Variants in RASL12 observed in about 807,000 individuals in gnomAD.
RASL12 encodes the protein RAS like family 12, also known as ras-like protein family member 12.
RASL12 carries 16 observed loss-of-function variants against 22.9 expected under a neutral mutation model. The ratio of observed to expected loss-of-function variants is 0.70; its 90% confidence interval spans 0.47 to 1.06. The LOEUF (loss-of-function observed/expected upper bound fraction) is 1.06. RASL12 is among the 50% of genes least tolerant of loss of function. The probability of loss-of-function intolerance (pLI) is 0.00; values close to 1 mark genes in which losing one functional copy is unlikely to be tolerated. For synonymous variants in RASL12, 159 were observed against 152.2 expected (o/e 1.04, Z -0.33); for missense variants, 306 against 353.1 (o/e 0.87, Z 1.07).
chr15:65,050,019 G>A (rs2086628194), downstream of RASL12: 2 of 1,551,338 alleles, frequency 1.3e-6, no homozygotes, highest in Admixed American at 2.0e-5. Flanking sequence ...AGCACAGTGA[G>A]GGGGCTCCCG....
At chr15:65,069,322 C>G (rs1330877317), upstream of RASL12, among the ~76,000 whole-genome samples, 2 of 152,246 alleles carry the variant, frequency 1.3e-5, no homozygotes, top group Non-Finnish European at 2.9e-5. Flanking sequence ...ATTAGTCACA[C>G]AGCTAATGGC....
chr15:65,063,017 C>T (rs780864875), intron 2 of RASL12, among the ~76,000 whole-genome samples: 4 of 152,156 alleles, frequency 2.6e-5, no homozygotes, highest in Admixed American at 6.5e-5. Flanking sequence ...GCCCACTTCC[C>T]AGACAGTCTG....
chr15:65,062,712 A>C (rs2086824827), intron 2 of RASL12, among the ~76,000 whole-genome samples: 1 of 152,206 alleles, frequency 6.6e-6, no homozygotes, highest in African/African-American at 2.4e-5. Context: ...GGCTCTCAGA[A>C]GACCTAGGAA....
intron 4 of RASL12, among the ~76,000 whole-genome samples, chr15:65,057,143 C>G (rs2140517354): frequency 6.6e-6 from 1 of 152,282 alleles, no homozygotes; most frequent in East Asian, 1.9e-4. Context: ...CACCATAGTC[C>G]CCTTTCACGG....
chr15:65,067,566 A>G (rs74978133), intron 1 of RASL12, among the ~76,000 whole-genome samples, 167 bp downstream of exon 1: 9,802 of 152,210 alleles, frequency 0.064, 937 homozygotes, highest in African/African-American at 0.21. Context: ...AAAGCCCGGC[A>G]ACAGGGAAAC....
At position 65,054,055 on chromosome 15, in the gene RASL12, A is replaced by C. The variant is rs919728856; in HGVS notation, c.*844T>G. On this transcript the variant is annotated 3_prime_UTR_variant, in exon 5 of 5. Coordinates refer to ENST00000220062, the MANE Select transcript of RASL12 (RefSeq NM_016563.4). ...GGGGGGCAGGCCCTGTAGCCCCTGG[A>C]TGGGTCTGATGCTGCTGTGGGCTCC... The C allele has an allele frequency of 1.0e-6, 1 of 985,710 alleles. No homozygotes were observed. The highest frequency in any genetic ancestry group is 1.7e-5 in the African/African-American group (1 of 57,202). The allele number at this position is 985,710 out of a possible 1,614,324, so 61.1% of individuals were successfully genotyped here.
rs577857479 is a variant in RASL12, at chr15:65,063,678, T to G, written c.160+1539A>C. Among the ~76,000 whole-genome samples, 29 of 152,298 alleles carry G rather than the reference T, an allele frequency of 1.9e-4. 1 individual carries two copies. The highest frequency in any genetic ancestry group is 6.3e-4 in the African/African-American group (26 of 41,578). ...GACTTACCCATGGGAACCCCTTTGC[T>G]CTCTCTGTTTGACACCCTGGGGTTC... On this transcript the variant is annotated intron_variant, in intron 2 of 4. Transcript: ENST00000220062.
At chr15:65,074,399 A>T (rs970918243) in intron 1 of RASL12, among the ~76,000 whole-genome samples, 4 of 148,946 alleles carry the variant, frequency 2.7e-5, no homozygotes, top group South Asian at 4.2e-4. Flanking sequence ...TTTTTAATTA[A>T]TTTTTTTTTT....
At chr15:65,073,456 A>G (rs528774095) in intron 1 of RASL12, among the ~76,000 whole-genome samples, 197 of 152,260 alleles carry the variant, frequency 1.3e-3, no homozygotes, top group Non-Finnish European at 2.7e-3. Context: ...GCAGTTCACA[A>G]TAGGGTTCGC....
chr15:65,065,367 C>A, intron 1 of RASL12, 94 bp from the exon 2 acceptor site: 2 of 1,132,734 alleles, frequency 1.8e-6, no homozygotes, highest in South Asian at 1.4e-5. Context: ...CCTCTGTGAT[C>A]CCCGGCTGAC....
At chr15:65,050,216 C>A, downstream of RASL12, 2 of 809,382 alleles carry the variant, frequency 2.5e-6, no homozygotes, top group African/African-American at 1.7e-5. Context: ...ACATTTCCTC[C>A]AAGACAGGGA....
At chr15:65,076,631 TCCAGATGCCCTCCGGGCCTGCAG>T (rs2086972291) in exon 1 of RASL12, 1 of 702,832 alleles carries the variant, frequency 1.4e-6, no homozygotes, top group African/African-American at 1.8e-5. Flanking sequence ...CACACAGGTC[TCCAGATGCCCTCCGGGCCTGCAG>T]CCATACAGCC....
rs575089792 is a variant in RASL12, at chr15:65,053,488, G to A, written c.*1411C>T. On this transcript the variant is annotated 3_prime_UTR_variant, in exon 5 of 5. Coordinates refer to ENST00000220062, the MANE Select transcript of RASL12 (RefSeq NM_016563.4). ...AAAATCCGTAGCTGGCCTGTGGGTC[G>A]GGAAGCCTGTAGGACTGCAAGCATG... 7.4e-5 allele frequency: 84 copies of A among 1,130,392 alleles called. 1 individual carries two copies. The African/African-American group carries it at 9.7e-4, about 13-fold the overall frequency. 70.0% of individuals were successfully genotyped at this position (1,130,392 alleles called of 1,614,324 possible). A position where few individuals can be genotyped will look rare whatever the true frequency, so the allele number is the denominator to read the frequency against.
chr15:65,062,777 G>A (rs1184759584), intron 2 of RASL12, among the ~76,000 whole-genome samples: 1 of 152,224 alleles, frequency 6.6e-6, no homozygotes, highest in African/African-American at 2.4e-5. Context: ...CCAATGGAAT[G>A]TGGAGACCTT....
chr15:65,059,257 C>T (rs2086773195), intron 3 of RASL12, 88 bp downstream of exon 3: 3 of 1,127,204 alleles, frequency 2.7e-6, no homozygotes, highest in Non-Finnish European at 4.0e-6. Context: ...CATCTAAATG[C>T]CTATCTGAGG....
chr15:65,061,735 C>A (rs1435642272), intron 2 of RASL12, among the ~76,000 whole-genome samples: 1 of 152,114 alleles, frequency 6.6e-6, no homozygotes, highest in African/African-American at 2.4e-5. Flanking sequence ...AGAGTGTATA[C>A]AGGGTGCTGC....
intron 4 of RASL12, among the ~76,000 whole-genome samples, chr15:65,057,863 G>A (rs2919353): frequency 0.025 from 3,813 of 152,262 alleles, 203 homozygotes; most frequent in African/African-American, 0.086. Flanking sequence ...ACCCAAGAGC[G>A]CGGAAGGAGT....
In RASL12 at chr15:65,058,430, T is replaced by A; in HGVS notation, c.422A>T (p.Tyr141Phe). 1.3e-6 allele frequency: 2 copies of A among 1,555,252 alleles called. No homozygotes were observed. Among genetic ancestry groups the A allele is most frequent in the Non-Finnish European group, 1.7e-6 (2 of 1,143,562 alleles). The change falls in exon 4 of 5, where the codon TAC becomes TTC. Residue 141 changes from tyrosine (Y) to phenylalanine (F), a missense_variant. Coordinates refer to ENST00000220062, the MANE Select transcript of RASL12 (RefSeq NM_016563.4). ...LLGNKLDMAQ[Y>F]RQVTKAEGVA... ...CGGCCAAGCAGGCTGTGCTCACCTG[T>A]ACTGAGCCATGTCCAGCTTGTTGCC...
At chr15:65,050,074 A>G, downstream of RASL12, 1 of 1,551,546 alleles carries the variant, frequency 6.4e-7, no homozygotes. Context: ...GCTGGAAGAG[A>G]TGCTTTGGTT....
Sources: gnomAD v4.1 joint callset for allele counts (sites outside exome capture counted in the v4.1 genomes callset) on GRCh38, gnomAD v4.1.1 for gene constraint, MANE v1.5 for transcripts, NCBI Gene and HGNC (gene_info 2026-07-23, HGNC 2026-07-21) for gene names.